Variants in DACH2 observed in about 807,000 individuals in gnomAD.
DACH2 encodes dachshund homolog 2.
In DACH2, 17 loss-of-function variants were observed where a neutral mutation model predicts 35.8. That is an observed-to-expected ratio of 0.48 (90% CI 0.33 to 0.71). The LOEUF is 0.71. Among genes scored for constraint, DACH2 ranks in the 30% least tolerant of loss-of-function variants. The pLI is 0.02. For missense variants in DACH2, 469 were observed against 472.7 expected (o/e 0.99, Z 0.07); for synonymous variants, 195 against 177.3 (o/e 1.10, Z -0.79).
At chrX:86,455,764 A>T (rs1212175189) in intron 2 of DACH2, among the ~76,000 whole-genome samples, 1 of 112,200 alleles carries the variant, frequency 8.9e-6, no homozygotes, top group Non-Finnish European at 1.9e-5. Flanking sequence ...AAGCCAGCGG[A>T]TCTTAACTTT....
chrX:86,222,184 G>A (rs768803948), intron 1 of DACH2, among the ~76,000 whole-genome samples: 21 of 112,120 alleles, frequency 1.9e-4, no homozygotes, highest in South Asian at 7.3e-4. Context: ...TGCTGTACAC[G>A]AAAATAATAG....
At chrX:86,730,223 GAAT>G (rs947028767) in intron 6 of DACH2, among the ~76,000 whole-genome samples, 83 of 111,153 alleles carry the variant, frequency 7.5e-4, no homozygotes, top group Non-Finnish European at 1.2e-3. Flanking sequence ...ATGATGCGTA[GAAT>G]ATATCAAGAT....
At chrX:86,507,415 A>G (rs774060102) in intron 2 of DACH2, among the ~76,000 whole-genome samples, 1 of 104,757 alleles carries the variant, frequency 9.5e-6, no homozygotes, top group Non-Finnish European at 1.9e-5. Flanking sequence ...TGCAATAACC[A>G]TTAAAGAAAG....
rs984961242 is a variant in DACH2, at chrX:86,381,452, G to A, written c.527+4590G>A. 1.2e-4 allele frequency among the ~76,000 whole-genome samples: 13 copies of A among 110,114 alleles called. No individual in the cohort carries two copies. The South Asian group carries it at 1.5e-3, about 13-fold the overall frequency. ...TACTATTTTAAATTTGTAAAGTATC[G>A]TCTAAGTTACAAGCACTTTCCCATA... On this transcript the variant is annotated intron_variant, in intron 2 of 11. Transcript: ENST00000373125.
At chrX:86,236,622 T>C (rs935359501) in intron 1 of DACH2, among the ~76,000 whole-genome samples, 4 of 112,223 alleles carry the variant, frequency 3.6e-5, no homozygotes, top group African/African-American at 1.3e-4. Context: ...CTGAATACTG[T>C]AGACAATTGC....
intron 1 of DACH2, among the ~76,000 whole-genome samples, chrX:86,232,380 G>A (rs966479942): frequency 3.6e-5 from 4 of 111,835 alleles, no homozygotes; most frequent in Non-Finnish European, 5.6e-5. Flanking sequence ...CTTCTGCACA[G>A]CAAAAGAAAC....
rs766210173 is a variant in DACH2, at chrX:86,582,162, G to T, written c.640+67771G>T. 4.5e-4 allele frequency among the ~76,000 whole-genome samples: 50 copies of T among 111,079 alleles called. No individual in the cohort carries two copies. In the South Asian group the frequency reaches 0.019, roughly 41 times the overall value. On this transcript the variant is annotated intron_variant, in intron 3 of 11. Transcript: ENST00000373125. ...GACAGAAATTATTTGAAACAAATGAGAAAAAAATAAAACAAACTAGAATCT... is the reference window on the plus strand; with the variant it reads ...GACAGAAATTATTTGAAACAAATGATAAAAAAATAAAACAAACTAGAATCT...
intron 1 of DACH2, among the ~76,000 whole-genome samples, chrX:86,287,573 T>C (rs1476995139): frequency 9.0e-6 from 1 of 111,498 alleles, no homozygotes; most frequent in Admixed American, 9.6e-5. Flanking sequence ...TGCTTCGTTG[T>C]TTTTGTCTTT....
chrX:86,494,712 C>T (rs1224459900), intron 2 of DACH2, among the ~76,000 whole-genome samples: 1 of 112,416 alleles, frequency 8.9e-6, no homozygotes, highest in Admixed American at 9.4e-5. Context: ...GTACCTTAAT[C>T]TTCTTTCATG....
At chrX:86,160,425 C>A in intron 1 of DACH2, 1 of 542,425 alleles carries the variant, frequency 1.8e-6, no homozygotes. Flanking sequence ...ATGATGGCAG[C>A]ATCACCGGAC....
intron 1 of DACH2, among the ~76,000 whole-genome samples, chrX:86,321,808 C>A: frequency 8.9e-6 from 1 of 112,211 alleles, no homozygotes; most frequent in East Asian, 2.8e-4. Flanking sequence ...TTTTGGAAAG[C>A]CTGTATATAT....
intron 1 of DACH2, among the ~76,000 whole-genome samples, chrX:86,240,197 A>G (rs1391969162): frequency 1.8e-5 from 2 of 111,552 alleles, no homozygotes; most frequent in Admixed American, 9.6e-5. Context: ...AGAAATCTTT[A>G]TAGTAGTTTT....
chrX:86,196,519 C>A (rs1225249362), intron 1 of DACH2, among the ~76,000 whole-genome samples: 1 of 107,553 alleles, frequency 9.3e-6, no homozygotes, highest in Admixed American at 1.0e-4. Context: ...AGTGAAACCC[C>A]ATCTCTAGTA....
In DACH2 at chrX:86,681,613, A is replaced by C. The variant is rs755618703; in HGVS notation, c.773-13408A>C. Among the ~76,000 whole-genome samples, 695 of 102,738 alleles carry C rather than the reference A, an allele frequency of 6.8e-3. 6 individuals are homozygous for C. Among genetic ancestry groups the C allele is most frequent in the Middle Eastern group, 0.02 (4 of 204 alleles). The allele number at this position is 102,738 out of a possible 115,157, so 89.2% of individuals were successfully genotyped here. ...TTTCTCCCTCTCTCTCTCTCTCTATATATATATATAATTATATATGATATA... is the reference window on the plus strand; with the variant it reads ...TTTCTCCCTCTCTCTCTCTCTCTATCTATATATATAATTATATATGATATA... On this transcript the variant is annotated intron_variant, in intron 4 of 11. Coordinates refer to ENST00000373125, the MANE Select transcript of DACH2 (RefSeq NM_053281.3).
chrX:86,394,324 CA>C (rs2036248966), intron 2 of DACH2, among the ~76,000 whole-genome samples: 1 of 110,941 alleles, frequency 9.0e-6, no homozygotes, highest in Non-Finnish European at 1.9e-5. Context: ...AAGTCATCAA[CA>C]GAGGTATTAT....
At chrX:86,787,784 G>T (rs1890146181) in intron 7 of DACH2, among the ~76,000 whole-genome samples, 1 of 111,958 alleles carries the variant, frequency 8.9e-6, no homozygotes, top group Admixed American at 9.5e-5. Flanking sequence ...AAATCCATAT[G>T]TGTCTGAGCA....
At chrX:86,801,487 G>A (rs1229880462) in intron 7 of DACH2, among the ~76,000 whole-genome samples, 4 of 112,255 alleles carry the variant, frequency 3.6e-5, no homozygotes, top group African/African-American at 1.3e-4. Context: ...GCGTGAACAA[G>A]AGAAGGAGAT....
At position 86,548,993 on chromosome X, in the gene DACH2, T is replaced by G. The variant is rs143339132; in HGVS notation, c.640+34602T>G. Among the ~76,000 whole-genome samples the G allele has an allele frequency of 4.3e-3, 479 of 112,129 alleles. 5 individuals carry two copies. Among genetic ancestry groups the G allele is most frequent in the African/African-American group, 0.014 (424 of 30,926 alleles). The stretch of plus-strand genomic sequence containing the variant: ...ATCTAACAGATTCTGTGAAGATTTA[T>G]TCTCCTATTAGAGAATGCCCCTTAA... On this transcript the variant is annotated intron_variant, in intron 3 of 11. Coordinates refer to ENST00000373125, the MANE Select transcript of DACH2 (RefSeq NM_053281.3).
intron 3 of DACH2, among the ~76,000 whole-genome samples, chrX:86,612,512 C>T (rs1359888778): frequency 1.8e-5 from 2 of 111,573 alleles, no homozygotes; most frequent in African/African-American, 6.5e-5. Context: ...TTACCAATGT[C>T]AATTTTTGAA....
Sources: allele counts gnomAD v4.1 joint callset (sites outside exome capture counted in the v4.1 genomes callset), GRCh38; gene constraint gnomAD v4.1.1; transcripts MANE v1.5; gene names NCBI Gene and HGNC (gene_info 2026-07-23, HGNC 2026-07-21).